NTRK3: variants seen among roughly 807,000 people sequenced by gnomAD.
The protein encoded by NTRK3 is NT-3 growth factor receptor.
NTRK3 carries 24 observed loss-of-function variants against 91.7 expected under a neutral mutation model. The observed-to-expected ratio is 0.26, with a 90% CI of 0.19 to 0.37. The LOEUF (loss-of-function observed/expected upper bound fraction) is 0.37, where lower values mean the gene tolerates loss of function less well. NTRK3 is among the 10% of genes least tolerant of loss of function. The probability of loss-of-function intolerance (pLI) is 1.00; values close to 1 mark genes in which losing one functional copy is unlikely to be tolerated. For missense variants in NTRK3, 880 were observed against 1,068.9 expected (o/e 0.82, Z 2.46); for synonymous variants, 483 against 404.0 (o/e 1.20, Z -2.34).
intron 15 of NTRK3, 37 bp from the exon 16 acceptor site, chr15:87,933,221 C>T (rs113443615): frequency 0.022 from 36,125 of 1,610,202 alleles, 527 homozygotes; most frequent in Non-Finnish European, 0.026. Context: ...TTAACAACTA[C>T]AGGGCAGGGG....
At chr15:87,996,797 G>A (rs1053554783) in intron 14 of NTRK3, among the ~76,000 whole-genome samples, 3 of 152,204 alleles carry the variant, frequency 2.0e-5, no homozygotes, top group African/African-American at 7.2e-5. Context: ...ACTCTACTCA[G>A]TTTAGAGCCA....
chr15:87,923,716 AAACTT>A (rs1197275037), intron 17 of NTRK3, among the ~76,000 whole-genome samples: 3 of 152,192 alleles, frequency 2.0e-5, no homozygotes, highest in Non-Finnish European at 4.4e-5. Flanking sequence ...CCTCTGTTGA[AAACTT>A]AACCCCAATG....
chr15:88,145,800 C>T (rs894150721), intron 6 of NTRK3, among the ~76,000 whole-genome samples: 10 of 152,136 alleles, frequency 6.6e-5, no homozygotes, highest in African/African-American at 2.4e-4. Context: ...AAGAGATCCC[C>T]CAAGGCCCTC....
At chr15:88,060,056 C>T (rs558769522) in intron 13 of NTRK3, among the ~76,000 whole-genome samples, 3 of 152,222 alleles carry the variant, frequency 2.0e-5, no homozygotes, top group East Asian at 1.9e-4. Context: ...AGCCTCCTCA[C>T]GGAGGTGACA....
chr15:87,958,993 C>T (rs2071968846), intron 14 of NTRK3, among the ~76,000 whole-genome samples: 2 of 146,832 alleles, frequency 1.4e-5, no homozygotes, highest in South Asian at 2.2e-4. Context: ...CCCACCCCCG[C>T]TCCCCGCCCC....
exon 19 of NTRK3, chr15:87,876,983 G>C (rs762278873): frequency 6.2e-7 from 1 of 1,613,916 alleles, no homozygotes. Flanking sequence ...CCAAAGCATG[G>C]AGGATTTTGT....
chr15:87,976,512 C>T (rs538650444), intron 14 of NTRK3, among the ~76,000 whole-genome samples: 15 of 152,282 alleles, frequency 9.9e-5, no homozygotes, highest in African/African-American at 2.2e-4. Context: ...AGCCTTTTCC[C>T]GGCCCGCATT....
intron 13 of NTRK3, among the ~76,000 whole-genome samples, chr15:88,079,364 G>A: frequency 6.6e-6 from 1 of 152,188 alleles, no homozygotes; most frequent in East Asian, 1.9e-4. Flanking sequence ...ATCAGTCACA[G>A]GTGCCAAGAA....
chr15:88,228,504 G>A (rs1350400252), intron 3 of NTRK3, among the ~76,000 whole-genome samples: 1 of 152,148 alleles, frequency 6.6e-6, no homozygotes, highest in Non-Finnish European at 1.5e-5. Flanking sequence ...GGGAGCTGTG[G>A]TAATTGCTGC....
At chr15:88,035,262 A>T (rs2078969528) in intron 13 of NTRK3, among the ~76,000 whole-genome samples, 1 of 152,190 alleles carries the variant, frequency 6.6e-6, no homozygotes, top group South Asian at 2.1e-4. Flanking sequence ...AGGTGGAGTG[A>T]GGCTCCAGGC....
chr15:88,007,985 T>C (rs181456916), intron 14 of NTRK3, among the ~76,000 whole-genome samples: 15 of 152,320 alleles, frequency 9.8e-5, no homozygotes. Flanking sequence ...AGGAATTATC[T>C]ACTGGGATGA....
intron 17 of NTRK3, among the ~76,000 whole-genome samples, chr15:87,908,170 A>G (rs1344778979): frequency 1.3e-5 from 2 of 152,152 alleles, no homozygotes; most frequent in African/African-American, 4.8e-5. Flanking sequence ...AGCCTCCACC[A>G]CACGCACAGG....
chr15:87,956,383 C>T (rs868831942), intron 14 of NTRK3, among the ~76,000 whole-genome samples: 3 of 152,168 alleles, frequency 2.0e-5, no homozygotes, highest in Non-Finnish European at 2.9e-5. Context: ...AAGCGTTTCT[C>T]CTGCCTCAGC....
chr15:87,867,214 G>GAAC (rs1468492310), exon 19 of NTRK3: 1 of 226,288 alleles, frequency 4.4e-6, no homozygotes, highest in Non-Finnish European at 8.8e-6. Context: ...ATGGCTGGGA[G>GAAC]AACGCACTTG....
intron 13 of NTRK3, among the ~76,000 whole-genome samples, chr15:88,071,997 C>G (rs1034213163): frequency 3.4e-5 from 5 of 148,428 alleles, no homozygotes; most frequent in African/African-American, 1.2e-4. Context: ...CAGGCAAAAT[C>G]AAACATCTTT....
At chr15:88,252,441 G>C (rs2053506360) in intron 3 of NTRK3, 1 of 152,214 alleles carries the variant, frequency 6.6e-6, no homozygotes, top group East Asian at 1.9e-4. Flanking sequence ...TGGCGGCTCA[G>C]AGTGAGACCC....
chr15:88,206,405 T>C (rs1236299821), intron 3 of NTRK3, among the ~76,000 whole-genome samples: 1 of 144,270 alleles, frequency 6.9e-6, no homozygotes, highest in Non-Finnish European at 1.5e-5. Context: ...ACGCCTGTAA[T>C]CCCAGCACTT....
At chr15:88,069,895 G>T (rs1396252459) in intron 13 of NTRK3, among the ~76,000 whole-genome samples, 1 of 152,126 alleles carries the variant, frequency 6.6e-6, no homozygotes, top group East Asian at 1.9e-4. Context: ...CCTCCTCTCT[G>T]GCACTTGGAA....
rs1396954918 is a variant in NTRK3, at chr15:88,234,217, G to GC, written c.248+21688dup. 1.3e-5 allele frequency among the ~76,000 whole-genome samples: 2 copies of GC among 151,848 alleles called. No homozygotes were observed. The highest frequency in any genetic ancestry group is 4.8e-5 in the African/African-American group (2 of 41,304). On this transcript the variant is annotated intron_variant, in intron 3 of 18. Transcript: ENST00000394480. This position sits in a 1 kb window ranked among gnomAD's most constrained non-coding sequence, Gnocchi z 6.1. ...TCAGGATCCAAGGTTGTCTCTCATC[G>GC]CCCCCCGCTCGACCTTCAAAAAGCT...
Sources: allele counts gnomAD v4.1 joint callset (sites outside exome capture counted in the v4.1 genomes callset), GRCh38; gene constraint gnomAD v4.1.1; non-coding constraint Gnocchi (gnomAD v3.1); transcripts MANE v1.5; gene names NCBI Gene and HGNC (gene_info 2026-07-23, HGNC 2026-07-21).